TPO: variants seen among roughly 807,000 people sequenced by gnomAD.
TPO encodes thyroid peroxidase.
TPO carries 78 observed loss-of-function variants against 96.9 expected under a neutral mutation model. That is an observed-to-expected ratio of 0.81 (90% confidence interval 0.67 to 0.97). The LOEUF is 0.97. Among genes scored for constraint, TPO ranks in the 50% least tolerant of loss-of-function variants. The pLI is 0.00. For missense variants in TPO, 1,252 were observed against 1,274.8 expected, an observed-to-expected ratio of 0.98 and a Z score of 0.27; for synonymous variants, 547 against 538.0, an observed-to-expected ratio of 1.02 and a Z score of -0.23.
intron 2 of TPO, among the ~76,000 whole-genome samples, chr2:1,417,031 A>G (rs994606609): frequency 2.0e-5 from 3 of 152,226 alleles, no homozygotes; most frequent in African/African-American, 7.2e-5. Flanking sequence ...CAAAACGTAG[A>G]GGTCTGGAAG....
At chr2:1,489,239 C>T (rs1671480918) in intron 10 of TPO, among the ~76,000 whole-genome samples, 1 of 151,516 alleles carries the variant, frequency 6.6e-6, no homozygotes, top group Admixed American at 6.6e-5. Flanking sequence ...ATGCCCAGCA[C>T]ATGCCTAGCA....
chr2:1,416,872 C>T (rs915424351), intron 2 of TPO, among the ~76,000 whole-genome samples: 1 of 152,236 alleles, frequency 6.6e-6, no homozygotes, highest in Non-Finnish European at 1.5e-5. Flanking sequence ...AGCCTCTGTG[C>T]AGGACAAGCC....
At chr2:1,517,095 T>C in intron 15 of TPO, 113 bp downstream of exon 15, 2 of 1,063,080 alleles carry the variant, frequency 1.9e-6, no homozygotes. Context: ...GTTACTGGTA[T>C]CTCAAAGGCA....
intron 15 of TPO, among the ~76,000 whole-genome samples, chr2:1,530,461 C>G (rs1677835198): frequency 6.7e-6 from 1 of 149,458 alleles, no homozygotes; most frequent in South Asian, 2.2e-4. Flanking sequence ...GAAATCCCAT[C>G]AACTGTGTGC....
intron 15 of TPO, among the ~76,000 whole-genome samples, chr2:1,531,989 CTCCCAAAATCTCCCCTATTGTGTGCAACG>C (rs1678374579): frequency 2.1e-5 from 2 of 96,246 alleles, no homozygotes; most frequent in African/African-American, 3.7e-5. Context: ...TGTGTGCAAC[CTCCCAAAATCTCCCCTATTGTGTGCAACG>C]TCCTCAAATC....
chr2:1,468,442 T>C (rs1455087469), intron 7 of TPO, among the ~76,000 whole-genome samples: 1 of 152,160 alleles, frequency 6.6e-6, no homozygotes, highest in Non-Finnish European at 1.5e-5. Context: ...TGGGAAAGAT[T>C]GTTATCTTTC....
At chr2:1,520,441 G>A (rs1675132818) in intron 15 of TPO, among the ~76,000 whole-genome samples, 1 of 152,180 alleles carries the variant, frequency 6.6e-6, no homozygotes, top group Non-Finnish European at 1.5e-5. Flanking sequence ...AGCACGGTGT[G>A]GCACACAGCA....
intron 7 of TPO, among the ~76,000 whole-genome samples, chr2:1,461,499 G>A (rs1281142883): frequency 1.3e-5 from 2 of 152,116 alleles, no homozygotes; most frequent in Non-Finnish European, 2.9e-5. Flanking sequence ...GGGAGGAATT[G>A]GCCTTTCGTC....
intron 1 of TPO, among the ~76,000 whole-genome samples, chr2:1,402,320 A>G (rs892308508): frequency 3.3e-5 from 5 of 152,152 alleles, no homozygotes; most frequent in African/African-American, 1.2e-4. Flanking sequence ...TCCCACAGGG[A>G]AGGCACAGGA....
At chr2:1,444,437 AG>A in intron 5 of TPO, among the ~76,000 whole-genome samples, 1 of 86,702 alleles carries the variant, frequency 1.2e-5, no homozygotes, top group South Asian at 4.0e-4. Flanking sequence ...AAGGGAATGG[AG>A]CTGGCTCCTT....
chr2:1,540,160 GC>G (rs1680567751), intron 15 of TPO, among the ~76,000 whole-genome samples: 1 of 152,100 alleles, frequency 6.6e-6, no homozygotes. Context: ...CCAGGTCGGG[GC>G]TGGGGTCTTC....
chr2:1,436,625 C>T lies in TPO; in HGVS notation c.482+241C>T, dbSNP rs1378645889. 2.6e-5 allele frequency among the ~76,000 whole-genome samples: 4 copies of T among 152,326 alleles called. No homozygotes were observed. In the East Asian group the frequency reaches 7.7e-4, roughly 29 times the overall value. ...CATCCACATAGGTGCTTACAGGTGA[C>T]TCTTAACTTCCTAACCCCACAAATT... On this transcript the variant is annotated intron_variant, in intron 5 of 16. Transcript: ENST00000329066.
intron 8 of TPO, among the ~76,000 whole-genome samples, chr2:1,484,083 G>C (rs1199265823): frequency 6.6e-6 from 1 of 152,190 alleles, no homozygotes; most frequent in African/African-American, 2.4e-5. Flanking sequence ...CCTGAAAGTA[G>C]AATCTTGGTA....
intron 16 of TPO, chr2:1,541,992 G>A (rs1572064526): frequency 4.4e-6 from 1 of 227,768 alleles, no homozygotes; most frequent in Admixed American, 5.2e-5. Context: ...TGGCCTGGAA[G>A]TGAGGCTCTT....
chr2:1,378,713 A>G (rs544290097), intron 1 of TPO, among the ~76,000 whole-genome samples: 124 of 152,134 alleles, frequency 8.2e-4, no homozygotes, highest in Non-Finnish European at 1.4e-3. Flanking sequence ...GTGGGAGAAG[A>G]GAGATCTGTG....
intron 11 of TPO, 108 bp from the exon 12 acceptor site, chr2:1,495,881 C>G: frequency 7.8e-7 from 1 of 1,282,754 alleles, no homozygotes; most frequent in Non-Finnish European, 1.1e-6. Context: ...TCTGGGCAGA[C>G]GCCGCAGGAG....
intron 8 of TPO, among the ~76,000 whole-genome samples, chr2:1,481,784 G>T (rs1480837031): frequency 6.6e-6 from 1 of 152,194 alleles, no homozygotes; most frequent in East Asian, 1.9e-4. Context: ...CCCTTTATCT[G>T]CAGGGCCCCA....
intron 1 of TPO, among the ~76,000 whole-genome samples, chr2:1,392,760 A>G (rs1195118537): frequency 1.3e-5 from 2 of 152,000 alleles, no homozygotes; most frequent in East Asian, 3.9e-4. Flanking sequence ...CTTTTCTTCT[A>G]TATTTTTTAG....
intron 13 of TPO, among the ~76,000 whole-genome samples, chr2:1,503,482 A>G (rs1673075205): frequency 6.6e-6 from 1 of 152,286 alleles, no homozygotes; most frequent in African/African-American, 2.4e-5. Context: ...GGGGAGCAGG[A>G]GCAGGAGGGG....
Sources: allele counts gnomAD v4.1 joint callset (sites outside exome capture counted in the v4.1 genomes callset), GRCh38; gene constraint gnomAD v4.1.1; transcripts MANE v1.5; gene names NCBI Gene and HGNC (gene_info 2026-07-23, HGNC 2026-07-21).